The following STIM1 variants were observed in gnomAD, a reference collection of about 807,000 sequenced individuals.
The protein encoded by STIM1 is stromal interaction molecule 1.
STIM1 carries 25 observed loss-of-function variants against 74.7 expected under a neutral mutation model. The observed-to-expected ratio is 0.33, with a 90% CI of 0.24 to 0.47. The LOEUF (loss-of-function observed/expected upper bound fraction) is 0.47. Among genes scored for constraint, STIM1 ranks in the 20% least tolerant of loss-of-function variants. The pLI is 1.00. For missense variants in STIM1, 728 were observed against 920.8 expected, an observed-to-expected ratio of 0.79 and a Z score of 2.71; for synonymous variants, 328 against 348.8, an observed-to-expected ratio of 0.94 and a Z score of 0.66.
intron 2 of STIM1, among the ~76,000 whole-genome samples, chr11:3,981,502 A>G (rs2093504964): frequency 6.6e-6 from 1 of 152,196 alleles, no homozygotes; most frequent in Non-Finnish European, 1.5e-5. Context: ...GAAAACAAAG[A>G]TACTATCTTA....
chr11:3,994,429 T>A (rs1254702256), intron 2 of STIM1, among the ~76,000 whole-genome samples: 7 of 152,050 alleles, frequency 4.6e-5, no homozygotes, highest in African/African-American at 1.7e-4. Context: ...TCAGCCATTA[T>A]TTCTTTGAAT....
upstream of STIM1, chr11:3,854,902 C>A (rs1272974676): frequency 6.6e-6 from 1 of 152,340 alleles, no homozygotes; most frequent in African/African-American, 2.4e-5. Context: ...TTTCTGGCAT[C>A]ATCATTTCCT....
intron 2 of STIM1, among the ~76,000 whole-genome samples, chr11:3,991,892 G>T (rs2135852945): frequency 7.0e-6 from 1 of 142,000 alleles, no homozygotes; most frequent in African/African-American, 2.6e-5. Context: ...GGAGGTTGCG[G>T]TGAGCCGAGA....
At chr11:3,868,076 G>C (rs1296740264) in intron 1 of STIM1, 1 of 152,160 alleles carries the variant, frequency 6.6e-6, no homozygotes, top group Non-Finnish European at 1.5e-5. Flanking sequence ...AGGGGAGATG[G>C]GTGGCCTTCA....
At chr11:3,872,544 T>C (rs1181773128) in intron 1 of STIM1, among the ~76,000 whole-genome samples, 1 of 144,864 alleles carries the variant, frequency 6.9e-6, no homozygotes, top group Admixed American at 7.0e-5. Context: ...TTTTTTGAGA[T>C]GGAGTCTCAC....
intron 2 of STIM1, among the ~76,000 whole-genome samples, chr11:4,009,246 G>A (rs561321599): frequency 6.6e-6 from 1 of 150,772 alleles, no homozygotes; most frequent in South Asian, 2.1e-4. Flanking sequence ...AGTGAGCTGC[G>A]ATCGCGCCAC....
intron 1 of STIM1, among the ~76,000 whole-genome samples, chr11:3,936,348 A>G (rs1199080373): frequency 6.6e-6 from 1 of 152,164 alleles, no homozygotes; most frequent in Admixed American, 6.5e-5. Context: ...AAGGACTAAG[A>G]TGACATAGAC....
chr11:3,937,110 G>A (rs2092941905), intron 1 of STIM1, among the ~76,000 whole-genome samples: 1 of 151,820 alleles, frequency 6.6e-6, no homozygotes, highest in South Asian at 2.1e-4. Context: ...GGGTGACATG[G>A]CAAAACCCCA....
intron 1 of STIM1, among the ~76,000 whole-genome samples, chr11:3,887,737 G>C (rs1423526558): frequency 3.9e-5 from 6 of 152,106 alleles, no homozygotes; most frequent in African/African-American, 1.4e-4. Flanking sequence ...GGGAGGCCGA[G>C]ACGGGCGGAT....
intron 1 of STIM1, among the ~76,000 whole-genome samples, chr11:3,900,384 T>C (rs1428016816): frequency 6.6e-6 from 1 of 152,188 alleles, no homozygotes; most frequent in Non-Finnish European, 1.5e-5. Flanking sequence ...CCCTTGCACT[T>C]CCCGAGTGAG....
chr11:4,089,805 T>G (rs1357206914), intron 12 of STIM1, among the ~76,000 whole-genome samples: 3 of 152,222 alleles, frequency 2.0e-5, no homozygotes, highest in African/African-American at 4.8e-5. Context: ...TATGGTGGTC[T>G]CCTTTTCCAT....
At chr11:3,914,566 C>G (rs755662038) in intron 1 of STIM1, among the ~76,000 whole-genome samples, 1 of 152,144 alleles carries the variant, frequency 6.6e-6, no homozygotes, top group African/African-American at 2.4e-5. Flanking sequence ...CTCAGCCTCC[C>G]GAGTAGCTGG....
chr11:3,937,344 A>G (rs888906753), intron 1 of STIM1, among the ~76,000 whole-genome samples: 1 of 149,958 alleles, frequency 6.7e-6, no homozygotes, highest in Non-Finnish European at 1.5e-5. Context: ...GTGTGAAATT[A>G]TCTGGAAATT....
At chr11:4,045,497 T>C (rs1180316590) in intron 3 of STIM1, among the ~76,000 whole-genome samples, 1 of 152,066 alleles carries the variant, frequency 6.6e-6, no homozygotes, top group African/African-American at 2.4e-5. Flanking sequence ...TCACCCAGGC[T>C]GGAGTACAGT....
rs879661667 is a variant in STIM1 at position 3,937,936 on chromosome 11, C to CTT, written c.140-29602_140-29601dup. 2.1e-3 allele frequency among the ~76,000 whole-genome samples: 287 copies of CTT among 138,842 alleles called. 1 individual carries two copies. Among genetic ancestry groups the CTT allele is most frequent in the Non-Finnish European group, 3.7e-3 (234 of 63,190 alleles). 91.1% of individuals were successfully genotyped at this position (138,842 alleles called of 152,430 possible). On this transcript the variant is annotated intron_variant, in intron 1 of 12. Coordinates refer to ENST00000526596, the MANE Select transcript of STIM1 (RefSeq NM_001382567.1). ...GGATCTTGAGTCTGTTAGAGAAATT[C>CTT]TTTTTTTTTTTTTTTGAGATGGAGT...
chr11:3,921,887 C>G (rs1272133195), intron 1 of STIM1: 1 of 152,146 alleles, frequency 6.6e-6, no homozygotes, highest in Non-Finnish European at 1.5e-5. Flanking sequence ...TTCCTGACAA[C>G]AATCAGCATG....
intron 2 of STIM1, among the ~76,000 whole-genome samples, chr11:3,991,499 T>A (rs1316710503): frequency 2.0e-5 from 3 of 152,136 alleles, no homozygotes; most frequent in Middle Eastern, 3.4e-3. Context: ...GGCATCTAGG[T>A]TGATTTCATG....
intron 1 of STIM1, among the ~76,000 whole-genome samples, chr11:3,892,203 CA>C (rs1223236652): frequency 6.6e-6 from 1 of 151,636 alleles, no homozygotes; most frequent in Non-Finnish European, 1.5e-5. Context: ...GTGTTTATTT[CA>C]TAATCATAAA....
chr11:4,082,468 G>C, intron 8 of STIM1, 117 bp downstream of exon 8: 1 of 1,115,882 alleles, frequency 9.0e-7, no homozygotes, highest in Non-Finnish European at 1.3e-6. Flanking sequence ...GAGATATCCT[G>C]GTGGTGGGTT....
Sources: gnomAD v4.1 joint callset for allele counts (sites outside exome capture counted in the v4.1 genomes callset) on GRCh38, gnomAD v4.1.1 for gene constraint, MANE v1.5 for transcripts, NCBI Gene and HGNC (gene_info 2026-07-23, HGNC 2026-07-21) for gene names.